The following CYRIA variants were observed in gnomAD, a reference collection of about 807,000 sequenced individuals.
CYRIA encodes CYFIP-related Rac1 interactor A.
In CYRIA, 15 loss-of-function variants were observed where a neutral mutation model predicts 43.9. The observed-to-expected ratio is 0.34, with a 90% CI of 0.23 to 0.53. The LOEUF (loss-of-function observed/expected upper bound fraction) is 0.53, where lower values mean the gene tolerates loss of function less well. CYRIA is among the 20% of genes least tolerant of loss of function. The pLI is 0.94. For synonymous variants in CYRIA, 117 were observed against 136.0 expected (o/e 0.86, Z 0.97); for missense variants, 236 against 394.2 (o/e 0.60, Z 3.40).
intron 3 of CYRIA, among the ~76,000 whole-genome samples, chr2:16,572,777 T>C (rs1378865511): frequency 2.0e-5 from 3 of 152,220 alleles, no homozygotes; most frequent in Non-Finnish European, 2.9e-5. Flanking sequence ...TGTTAATTAA[T>C]GTGAGTTTGT....
chr2:16,622,276 T>C (rs1042473201), intron 2 of CYRIA, among the ~76,000 whole-genome samples: 2 of 152,168 alleles, frequency 1.3e-5, no homozygotes, highest in Non-Finnish European at 2.9e-5. Context: ...TAACTTTGGG[T>C]ATGGCAGAGA....
intron 1 of CYRIA, among the ~76,000 whole-genome samples, chr2:16,659,747 G>A (rs1223459152): frequency 6.6e-6 from 1 of 152,178 alleles, no homozygotes; most frequent in Non-Finnish European, 1.5e-5. Context: ...CCTCATGATC[G>A]AAAAATGATT....
chr2:16,558,491 A>C (rs1402941314), intron 10 of CYRIA, among the ~76,000 whole-genome samples: 1 of 152,138 alleles, frequency 6.6e-6, no homozygotes, highest in Non-Finnish European at 1.5e-5. Context: ...ATACTGGAGT[A>C]AGTAAGTTAC....
chr2:16,649,083 A>T (rs546646338), intron 1 of CYRIA, among the ~76,000 whole-genome samples: 1 of 152,360 alleles, frequency 6.6e-6, no homozygotes, highest in South Asian at 2.1e-4. Flanking sequence ...AAAAATAAAA[A>T]AATAACAACA....
intron 1 of CYRIA, among the ~76,000 whole-genome samples, chr2:16,645,792 G>A (rs73918635): frequency 0.017 from 2,524 of 152,304 alleles, 82 homozygotes; most frequent in African/African-American, 0.056. Context: ...AATGATGGAT[G>A]ATTATTCATT....
intron 2 of CYRIA, among the ~76,000 whole-genome samples, chr2:16,589,932 G>A (rs750498606): frequency 3.3e-5 from 5 of 152,014 alleles, no homozygotes; most frequent in Non-Finnish European, 7.4e-5. Flanking sequence ...TCTCATTGGC[G>A]ATATTTAAGT....
intron 1 of CYRIA, among the ~76,000 whole-genome samples, chr2:16,631,803 G>A (rs79036112): frequency 1.3e-5 from 2 of 152,290 alleles, no homozygotes; most frequent in Middle Eastern, 3.4e-3. Context: ...ACGCTGCCTT[G>A]GAGTGAGAAA....
intron 1 of CYRIA, among the ~76,000 whole-genome samples, chr2:16,652,798 T>G (rs913630673): frequency 6.6e-6 from 1 of 152,104 alleles, no homozygotes; most frequent in African/African-American, 2.4e-5. Context: ...GAAGCCCTCT[T>G]CCTCTGGACT....
intron 2 of CYRIA, among the ~76,000 whole-genome samples, chr2:16,616,881 A>G (rs1668814324): frequency 6.6e-6 from 1 of 152,222 alleles, no homozygotes; most frequent in Non-Finnish European, 1.5e-5. Context: ...AAACTGTCCT[A>G]TGAAGAGGTT....
chr2:16,561,278 C>T lies in CYRIA; in HGVS notation c.514-1G>A. On this transcript the variant is annotated splice_acceptor_variant, in intron 7 of 11. Transcript: ENST00000381323. LOFTEE classifies it high-confidence loss of function. Reference sequence around the variant, plus strand: ...TATTGACTTCATTCTCAATGTCTAGCTGATGAAAATAAGAAGAGAAGATGG... The same window carrying T: ...TATTGACTTCATTCTCAATGTCTAGTTGATGAAAATAAGAAGAGAAGATGG... 1 of 1,601,426 alleles carries T rather than the reference C, an allele frequency of 6.2e-7. No individual in the cohort carries two copies. Among genetic ancestry groups the T allele is most frequent in the Non-Finnish European group, 8.6e-7 (1 of 1,168,762 alleles).
chr2:16,592,760 A>C (rs1667972573), intron 2 of CYRIA, among the ~76,000 whole-genome samples: 1 of 151,618 alleles, frequency 6.6e-6, no homozygotes, highest in African/African-American at 2.4e-5. Flanking sequence ...CTTTGTCTTG[A>C]CTCTCTCTTA....
At chr2:16,664,051 T>C (rs1670329217) in intron 1 of CYRIA, among the ~76,000 whole-genome samples, 3 of 152,216 alleles carry the variant, frequency 2.0e-5, no homozygotes, top group Admixed American at 1.3e-4. Flanking sequence ...AAAGAGCCCC[T>C]GCCCCATGGG....
At chr2:16,610,374 T>G (rs918406215) in intron 2 of CYRIA, among the ~76,000 whole-genome samples, 11 of 152,360 alleles carry the variant, frequency 7.2e-5, no homozygotes, top group Admixed American at 3.3e-4. Context: ...TAGATGTTTT[T>G]GGGAAACAGA....
chr2:16,635,538 T>A lies in CYRIA; in HGVS notation c.-166-11519A>T, dbSNP rs557375618. ...GTGTCTAGTTGAAATAGCAATGCAG[T>A]CTCTCTTTAGCAAGCCTATACTCCA... is the stretch of plus-strand genomic sequence containing the variant. On this transcript the variant is annotated intron_variant, in intron 1 of 11. Coordinates refer to ENST00000381323, the MANE Select transcript of CYRIA (RefSeq NM_030797.4). Among the ~76,000 whole-genome samples the A allele has an allele frequency of 9.2e-5, 14 of 152,254 alleles. No individual in the cohort carries two copies. In the South Asian group the frequency reaches 2.3e-3, roughly 25 times the overall value.
chr2:16,576,174 T>C (rs1285935401), intron 3 of CYRIA, among the ~76,000 whole-genome samples: 1 of 152,208 alleles, frequency 6.6e-6, no homozygotes, highest in Admixed American at 6.5e-5. Flanking sequence ...ATAGTTCCTG[T>C]CCTCAAGGAC....
At chr2:16,658,460 G>C (rs1245759005) in intron 1 of CYRIA, among the ~76,000 whole-genome samples, 2 of 152,198 alleles carry the variant, frequency 1.3e-5, no homozygotes. Context: ...ATTAACTTTA[G>C]TTCACAAACT....
chr2:16,641,715 A>C (rs1380276676), intron 1 of CYRIA, among the ~76,000 whole-genome samples: 3 of 152,236 alleles, frequency 2.0e-5, no homozygotes, highest in Non-Finnish European at 4.4e-5. Flanking sequence ...GCGTGCCTGC[A>C]GGATGGCAGA....
intron 3 of CYRIA, among the ~76,000 whole-genome samples, chr2:16,569,646 C>G (rs1274889243): frequency 6.6e-6 from 1 of 152,194 alleles, no homozygotes; most frequent in Non-Finnish European, 1.5e-5. Context: ...CTGGGAGAAG[C>G]TCTAGTCTGT....
At chr2:16,584,998 C>T (rs1667675607) in intron 3 of CYRIA, among the ~76,000 whole-genome samples, 7 of 152,116 alleles carry the variant, frequency 4.6e-5, no homozygotes, top group Admixed American at 4.6e-4. Context: ...TTGTCCTTCA[C>T]TCTAGCCTGA....
Sources: allele counts gnomAD v4.1 joint callset (sites outside exome capture counted in the v4.1 genomes callset), GRCh38; gene constraint gnomAD v4.1.1; transcripts MANE v1.5; gene names NCBI Gene and HGNC (gene_info 2026-07-23, HGNC 2026-07-21).